The following PICALM variants were observed in gnomAD, a reference collection of about 807,000 sequenced individuals.
The protein encoded by PICALM is phosphatidylinositol-binding clathrin assembly protein.
PICALM carries 40 observed loss-of-function variants against 80.5 expected under a neutral mutation model. The ratio of observed to expected loss-of-function variants is 0.50; its 90% CI spans 0.39 to 0.65. PICALM has a LOEUF of 0.65. Ranked by LOEUF, PICALM falls within the 30% of genes least tolerant of loss-of-function variation. PICALM has a pLI of 0.00. For synonymous variants in PICALM, 288 were observed against 260.3 expected, an observed-to-expected ratio of 1.11 and a Z score of -1.02; for missense variants, 676 against 778.9, an observed-to-expected ratio of 0.87 and a Z score of 1.57.
intron 17 of PICALM, chr11:85,978,333 C>A: frequency 2.8e-6 from 1 of 357,770 alleles, no homozygotes; most frequent in Non-Finnish European, 5.2e-6. Context: ...TTATTGATTA[C>A]AAGTACCATT....
intron 1 of PICALM, among the ~76,000 whole-genome samples, chr11:86,065,214 G>A (rs1217062039): frequency 6.6e-6 from 1 of 152,142 alleles, no homozygotes; most frequent in Non-Finnish European, 1.5e-5. Context: ...TTGGGAGGCC[G>A]AGGCGGGCGA....
intron 7 of PICALM, among the ~76,000 whole-genome samples, chr11:86,010,163 T>C (rs1272354027): frequency 1.3e-5 from 2 of 152,142 alleles, no homozygotes; most frequent in Admixed American, 6.5e-5. Flanking sequence ...GCCTCTGTGG[T>C]AGCAAGATAA....
rs1461911814 is a variant in PICALM, at chr11:85,958,625, T to C, written c.*421A>G. On this transcript the variant is annotated 3_prime_UTR_variant, in exon 20 of 20. Transcript: ENST00000393346. ...GGAGAAAAGAAAGATAATGCATAAT[T>C]AGGAATTTTAATTTTGATCCCCCAA... 115 of 232,900 alleles carry C rather than the reference T, an allele frequency of 4.9e-4. 1 individual carries two copies. In the East Asian group the frequency reaches 7.2e-3, roughly 15 times the overall value. The allele number at this position is 232,900 out of a possible 1,614,324, so 14.4% of individuals were successfully genotyped here. A position where few individuals can be genotyped will look rare whatever the true frequency, so the allele number is the denominator to read the frequency against.
chr11:85,982,176 G>C, intron 14 of PICALM, 173 bp from the exon 15 acceptor site: 1 of 576,704 alleles, frequency 1.7e-6, no homozygotes, highest in Non-Finnish European at 3.1e-6. Flanking sequence ...ACTTCATACT[G>C]AATTGACTGA....
At chr11:86,031,432 C>T (rs752557873) in intron 2 of PICALM, 37 bp downstream of exon 2, 2 of 1,532,902 alleles carry the variant, frequency 1.3e-6, no homozygotes, top group East Asian at 4.6e-5. Flanking sequence ...AATAAGTCAA[C>T]ACATCAGTAT....
chr11:85,995,688 TGG>T (rs1408841040), intron 12 of PICALM, among the ~76,000 whole-genome samples: 9 of 152,186 alleles, frequency 5.9e-5, no homozygotes, highest in Non-Finnish European at 8.8e-5. Context: ...ACTGCTTAAA[TGG>T]TCATGTTAAT....
intron 19 of PICALM, among the ~76,000 whole-genome samples, chr11:85,969,917 T>A (rs2094042352): frequency 6.6e-6 from 1 of 152,242 alleles, no homozygotes; most frequent in Non-Finnish European, 1.5e-5. Flanking sequence ...TAGCTCACCA[T>A]AACTATTAGC....
chr11:85,971,312 A>G (rs1402141445), intron 19 of PICALM, among the ~76,000 whole-genome samples: 1 of 152,214 alleles, frequency 6.6e-6, no homozygotes, highest in African/African-American at 2.4e-5. Flanking sequence ...CTTCTGATAT[A>G]AAGTAATTAA....
chr11:86,037,777 C>A (rs1335881521), intron 1 of PICALM, among the ~76,000 whole-genome samples: 1 of 151,834 alleles, frequency 6.6e-6, no homozygotes, highest in South Asian at 2.1e-4. Context: ...CATACACAAT[C>A]GAACACTTCC....
At chr11:85,971,054 T>A (rs964059747) in intron 19 of PICALM, among the ~76,000 whole-genome samples, 17 of 152,176 alleles carry the variant, frequency 1.1e-4, no homozygotes, top group Admixed American at 1.1e-3. Context: ...ATTAGATACA[T>A]GCAGAACAAA....
At chr11:86,061,330 C>CAAAAAAAAAAAATAAAA (rs2096360528) in intron 1 of PICALM, among the ~76,000 whole-genome samples, 1 of 81,176 alleles carries the variant, frequency 1.2e-5, no homozygotes, top group Non-Finnish European at 2.4e-5. Context: ...GACTCCATCT[C>CAAAAAAAAAAAATAAAA]AAAAAAAAAA....
intron 16 of PICALM, 105 bp downstream of exon 16, chr11:85,981,640 T>C: frequency 2.6e-6 from 2 of 777,832 alleles, no homozygotes; most frequent in Non-Finnish European, 4.4e-6. Context: ...ACTTGATATC[T>C]CTACACATAT....
chr11:85,981,310 A>G, intron 16 of PICALM, 82 bp from the exon 17 acceptor site: 1 of 824,006 alleles, frequency 1.2e-6, no homozygotes, highest in South Asian at 1.6e-5. Context: ...GAACAGAGTA[A>G]GATAGAGACT....
intron 11 of PICALM, among the ~76,000 whole-genome samples, chr11:85,999,514 A>G (rs1017658030): frequency 2.6e-5 from 4 of 152,220 alleles, no homozygotes; most frequent in South Asian, 4.1e-4. Flanking sequence ...AATGGGGTCA[A>G]TGTTACTTAA....
In PICALM at chr11:86,068,724, G is replaced by A. The variant is rs760454199; in HGVS notation, c.57C>T (p.Gly19=). 1 of 1,613,186 alleles carries A rather than the reference G, an allele frequency of 6.2e-7. No individual in the cohort carries two copies. Among genetic ancestry groups the A allele is most frequent in the Non-Finnish European group, 8.5e-7 (1 of 1,179,802 alleles). ...TGCATACTGTCTTGGATACGGCAGAGCCGGTGACACTGTGCTGGGCGGCAG... is the reference window on the plus strand; with the variant it reads ...TGCATACTGTCTTGGATACGGCAGAACCGGTGACACTGTGCTGGGCGGCAG... ...RITAAQHSVT[G]SAVSKTVCKA... is the part of the protein sequence containing the mutation. Residue 19 remains glycine, a synonymous_variant, in exon 1 of 20, where the codon GGC becomes GGT. Transcript: ENST00000393346.
intron 2 of PICALM, among the ~76,000 whole-genome samples, chr11:86,029,413 A>G (rs1409782452): frequency 6.6e-6 from 1 of 152,248 alleles, no homozygotes; most frequent in African/African-American, 2.4e-5. Flanking sequence ...GGTTGTACAA[A>G]CCAGCATAAA....
chr11:86,069,391 G>A (rs1191557535), upstream of PICALM: 2 of 154,162 alleles, frequency 1.3e-5, no homozygotes, highest in African/African-American at 2.4e-5. Context: ...GGCGGGAGAG[G>A]AATGGCGAGG....
chr11:85,968,615 C>T (rs1399881178), intron 19 of PICALM, among the ~76,000 whole-genome samples: 2 of 152,124 alleles, frequency 1.3e-5, no homozygotes, highest in East Asian at 3.8e-4. Context: ...TATATTGCAA[C>T]TAAAGAATTA....
chr11:85,992,307 G>T (rs1299807119), intron 12 of PICALM, among the ~76,000 whole-genome samples: 2 of 148,874 alleles, frequency 1.3e-5, no homozygotes, highest in Non-Finnish European at 3.0e-5. Context: ...TTGAGACAGA[G>T]TCGAACTCGC....
Sources: allele counts gnomAD v4.1 joint callset (sites outside exome capture counted in the v4.1 genomes callset), GRCh38; gene constraint gnomAD v4.1.1; transcripts MANE v1.5; gene names NCBI Gene and HGNC (gene_info 2026-07-23, HGNC 2026-07-21).